The following RASAL2 variants were observed in gnomAD, a reference collection of about 807,000 sequenced individuals.
RASAL2 encodes the protein RAS protein activator like 2.
In RASAL2, 58 loss-of-function variants were observed where a neutral mutation model predicts 128.9. The observed-to-expected ratio is 0.45, with a 90% CI of 0.36 to 0.56. RASAL2 has a LOEUF of 0.56. Ranked by LOEUF, RASAL2 falls within the 20% of genes least tolerant of loss-of-function variation. The pLI, the probability that RASAL2 is intolerant of heterozygous loss-of-function variation, is 0.00. For synonymous variants in RASAL2, 561 were observed against 580.8 expected, an observed-to-expected ratio of 0.97 and a Z score of 0.49; for missense variants, 1,360 against 1,601.6, an observed-to-expected ratio of 0.85 and a Z score of 2.57.
chr1:178,109,859 A>G (rs1293551188), intron 1 of RASAL2, among the ~76,000 whole-genome samples: 2 of 152,078 alleles, frequency 1.3e-5, no homozygotes, highest in Non-Finnish European at 2.9e-5. Context: ...CTGCCTCTAC[A>G]AAAAATAAAT....
At chr1:178,188,646 G>A (rs1662391501) in intron 1 of RASAL2, among the ~76,000 whole-genome samples, 1 of 152,066 alleles carries the variant, frequency 6.6e-6, no homozygotes, top group South Asian at 2.1e-4. Context: ...TCAAAAGCAT[G>A]TTCAAATAAA....
chr1:178,394,600 T>C (rs1373379616), intron 4 of RASAL2, among the ~76,000 whole-genome samples: 1 of 152,222 alleles, frequency 6.6e-6, no homozygotes, highest in African/African-American at 2.4e-5. Flanking sequence ...CTAGGCTTAG[T>C]GTTCTGATTT....
chr1:178,111,331 A>ACTCCTGGG (rs1454988144), intron 1 of RASAL2, among the ~76,000 whole-genome samples: 8 of 151,982 alleles, frequency 5.3e-5, no homozygotes, highest in African/African-American at 1.9e-4. Flanking sequence ...CTTATCTCAA[A>ACTCCTGGG]CTCCTGGGCT....
intron 1 of RASAL2, among the ~76,000 whole-genome samples, chr1:178,224,841 T>C (rs902363886): frequency 6.6e-6 from 1 of 152,164 alleles, no homozygotes; most frequent in Non-Finnish European, 1.5e-5. Flanking sequence ...CTTGTTTCCC[T>C]AATAAACACA....
chr1:178,418,967 T>C (rs1056233378), intron 4 of RASAL2, among the ~76,000 whole-genome samples: 2 of 152,192 alleles, frequency 1.3e-5, no homozygotes, highest in Non-Finnish European at 2.9e-5. Flanking sequence ...ACCCCCTCAG[T>C]TGACCTGCTT....
chr1:178,339,289 G>A (rs961360555), intron 3 of RASAL2, among the ~76,000 whole-genome samples: 6 of 152,310 alleles, frequency 3.9e-5, no homozygotes, highest in African/African-American at 1.2e-4. Context: ...TGGGATCGTG[G>A]TCAATAGAAG....
intron 2 of RASAL2, among the ~76,000 whole-genome samples, chr1:178,285,071 T>G (rs1666954763): frequency 6.6e-6 from 1 of 151,130 alleles, no homozygotes; most frequent in Non-Finnish European, 1.5e-5. Flanking sequence ...AATTCCAGTT[T>G]CTTCTTGTAT....
intron 3 of RASAL2, among the ~76,000 whole-genome samples, chr1:178,334,165 G>T (rs1279528061): frequency 1.3e-5 from 2 of 151,836 alleles, no homozygotes; most frequent in Non-Finnish European, 2.9e-5. Flanking sequence ...TTTAATACTA[G>T]TAATAATTTT....
rs945932472 is a variant in RASAL2 at position 178,332,635 on chromosome 1, G to A, written c.457+32517G>A. 6.9e-5 allele frequency among the ~76,000 whole-genome samples: 10 copies of A among 145,940 alleles called. No homozygotes were observed. The East Asian group carries it at 1.8e-3, about 27-fold the overall frequency. ...ATTCTTTTTTTTTTTTTTTTGAGAC[G>A]GAGTCTCACTCTGCCGCCCAGGCTG... On this transcript the variant is annotated intron_variant, in intron 3 of 17. Coordinates refer to ENST00000367649, the MANE Select transcript of RASAL2 (RefSeq NM_170692.4).
At chr1:178,171,683 T>A (rs1335649985) in intron 1 of RASAL2, among the ~76,000 whole-genome samples, 1 of 151,974 alleles carries the variant, frequency 6.6e-6, no homozygotes, top group African/African-American at 2.4e-5. Flanking sequence ...GGAGATGTTT[T>A]ATGAAGCTTT....
At chr1:178,402,616 A>G (rs1050375354) in intron 4 of RASAL2, among the ~76,000 whole-genome samples, 1 of 152,174 alleles carries the variant, frequency 6.6e-6, no homozygotes, top group African/African-American at 2.4e-5. Flanking sequence ...TTAGGAAAAA[A>G]CAAATCCATC....
intron 1 of RASAL2, among the ~76,000 whole-genome samples, chr1:178,202,320 C>A (rs1356759697): frequency 6.6e-6 from 1 of 152,204 alleles, no homozygotes; most frequent in Non-Finnish European, 1.5e-5. Flanking sequence ...TTCTCTCCCC[C>A]AGCCTGCACT....
intron 1 of RASAL2, among the ~76,000 whole-genome samples, chr1:178,166,802 TG>T (rs1232579937): frequency 6.6e-6 from 1 of 152,152 alleles, no homozygotes; most frequent in African/African-American, 2.4e-5. Context: ...AATTGACAAA[TG>T]GTACCTAATT....
chr1:178,353,676 T>C (rs755949279), intron 3 of RASAL2, among the ~76,000 whole-genome samples: 10 of 152,226 alleles, frequency 6.6e-5, no homozygotes, highest in Non-Finnish European at 1.3e-4. Flanking sequence ...TCAGTACTAA[T>C]TTTTTGGCTA....
chr1:178,260,830 C>T (rs1178245226), intron 1 of RASAL2, among the ~76,000 whole-genome samples: 1 of 152,150 alleles, frequency 6.6e-6, no homozygotes, highest in Non-Finnish European at 1.5e-5. Flanking sequence ...TGCCCACTTA[C>T]TTCTGCACCC....
chr1:178,436,094 T>A (rs1208849867), intron 5 of RASAL2, among the ~76,000 whole-genome samples: 1 of 152,086 alleles, frequency 6.6e-6, no homozygotes, highest in East Asian at 1.9e-4. Flanking sequence ...GGGTTACTAA[T>A]GCTATTACAT....
chr1:178,306,172 T>C (rs902380739), intron 3 of RASAL2, among the ~76,000 whole-genome samples: 7 of 152,204 alleles, frequency 4.6e-5, no homozygotes, highest in African/African-American at 1.7e-4. Flanking sequence ...CTTGCGATAG[T>C]TTACTGAGAA....
chr1:178,380,140 C>T (rs1188622863), intron 3 of RASAL2, among the ~76,000 whole-genome samples: 3 of 152,140 alleles, frequency 2.0e-5, no homozygotes, highest in African/African-American at 4.8e-5. Flanking sequence ...ACACCCGCCT[C>T]GGGCCCCCAA....
chr1:178,151,360 G>A (rs768543724), intron 1 of RASAL2, among the ~76,000 whole-genome samples: 8 of 152,020 alleles, frequency 5.3e-5, no homozygotes, highest in African/African-American at 1.7e-4. Context: ...AGCCGAGATC[G>A]CACCACTTCA....
Sources: allele counts gnomAD v4.1 joint callset (sites outside exome capture counted in the v4.1 genomes callset), GRCh38; gene constraint gnomAD v4.1.1; transcripts MANE v1.5; gene names NCBI Gene and HGNC (gene_info 2026-07-23, HGNC 2026-07-21).